The following OR4P4 variants were observed in gnomAD, a reference collection of about 807,000 sequenced individuals.
OR4P4 encodes olfactory receptor 4P4.
OR4P4 carries 1 observed loss-of-function variant against 2.1 expected under a neutral mutation model. The ratio of observed to expected loss-of-function variants is 0.47; its 90% confidence interval spans 0.17 to 2.21. The LOEUF (loss-of-function observed/expected upper bound fraction) is 2.21, where lower values mean the gene tolerates loss of function less well. Ranked by LOEUF, OR4P4 falls within the 30% of genes most tolerant of loss-of-function variation. The pLI, the probability that OR4P4 is intolerant of heterozygous loss-of-function variation, is 0.27. For synonymous variants in OR4P4, 129 were observed against 133.2 expected, an observed-to-expected ratio of 0.97 and a Z score of 0.22; for missense variants, 375 against 376.5, an observed-to-expected ratio of 1.00 and a Z score of 0.03.
chr11:55,638,408 A>T, exon 2 of OR4P4: 1 of 1,456,692 alleles, frequency 6.9e-7, no homozygotes, highest in Non-Finnish European at 9.3e-7. Flanking sequence ...GGTTTTCCCA[A>T]AATAAGAACA....
rs1182671259 is a variant in OR4P4, at chr11:55,638,105, C to T, written c.-30-223C>T. Among the ~76,000 whole-genome samples, 4 of 136,310 alleles carry T rather than the reference C, an allele frequency of 2.9e-5. 1 individual carries two copies. Among genetic ancestry groups the T allele is most frequent in the Non-Finnish European group, 4.9e-5 (3 of 61,536 alleles). The allele number at this position is 136,310 out of a possible 152,430, so 89.4% of individuals were successfully genotyped here. On this transcript the variant is annotated intron_variant, in intron 1 of 1. Transcript: ENST00000641760. Reference sequence around the variant, plus strand: ...GATTGAACAATAGAATTCATACCTACTAGGGCAGGGATTGATCACAGTGTG... The same window carrying T: ...GATTGAACAATAGAATTCATACCTATTAGGGCAGGGATTGATCACAGTGTG...
chr11:55,637,854 C>A lies in OR4P4; in HGVS notation c.-30-474C>A, dbSNP rs1014966097. Reference sequence around the variant, plus strand: ...TGGTTTTAGTTTATGCAATCAAATCCCATTTGTTGATATCAATATTGCTAA... The same window carrying A: ...TGGTTTTAGTTTATGCAATCAAATCACATTTGTTGATATCAATATTGCTAA... On this transcript the variant is annotated intron_variant, in intron 1 of 1. Coordinates refer to ENST00000641760, the Ensembl canonical transcript of OR4P4. Among the ~76,000 whole-genome samples the A allele has an allele frequency of 6.5e-5, 9 of 137,756 alleles. 1 individual carries two copies. Among genetic ancestry groups the A allele is most frequent in the Admixed American group, 1.6e-4 (2 of 12,580 alleles). 90.4% of individuals were successfully genotyped at this position (137,756 alleles called of 152,430 possible).
At chr11:55,636,189 C>A (rs2120178854) in intron 1 of OR4P4, among the ~76,000 whole-genome samples, 1 of 137,646 alleles carries the variant, frequency 7.3e-6, no homozygotes, top group East Asian at 2.4e-4. Flanking sequence ...ACTCAAATCA[C>A]TTTTCCCCCA....
Position 55,638,312 on chromosome 11 carries a change from A to C in OR4P4, c.-30-16A>C. The C allele has an allele frequency of 3.4e-6, 3 of 872,070 alleles. No homozygotes were observed. The highest frequency in any genetic ancestry group is 4.1e-5 in the South Asian group (2 of 48,490). The allele number at this position is 872,070 out of a possible 1,614,324, so 54.0% of individuals were successfully genotyped here. A position where few individuals can be genotyped will look rare whatever the true frequency, so the allele number is the denominator to read the frequency against. ...CTTAACAAAGACTTGTAAGCTTATA[A>C]ATTATGTCATTTCAGGTGACTTATA... On this transcript the variant is annotated splice_polypyrimidine_tract_variant and intron_variant, in intron 1 of 1. Coordinates refer to ENST00000641760, the Ensembl canonical transcript of OR4P4.
In OR4P4 at chr11:55,640,109, G is replaced by A. The variant is rs1858439968; in HGVS notation, c.*813G>A. 1.5e-5 allele frequency: 2 copies of A among 134,808 alleles called. 1 individual carries two copies. Among genetic ancestry groups the A allele is most frequent in the Non-Finnish European group, 3.3e-5 (2 of 61,404 alleles). 8.4% of individuals were successfully genotyped at this position (134,808 alleles called of 1,614,324 possible). ...AGATCATGCCACGGCACTCTAGCCT[G>A]GGTGACAGAACAAGATTCCGTCTGA... On this transcript the variant is annotated 3_prime_UTR_variant, in exon 2 of 2. Transcript: ENST00000641760.
Position 55,638,393 on chromosome 11 carries a change from C to G in OR4P4, c.36C>G (p.Leu12=), listed in dbSNP as rs1484149277. Reference sequence around the variant, plus strand: ...GCAATAATAGCACTTTGTTTATTCTCTTGGGGTTTTCCCAAAATAAGAACA... The same window carrying G: ...GCAATAATAGCACTTTGTTTATTCTGTTGGGGTTTTCCCAAAATAAGAACA... Residue 12 remains leucine (L), a synonymous_variant, in exon 2 of 2, where the codon CTC becomes CTG. Coordinates refer to ENST00000641760, the Ensembl canonical transcript of OR4P4. 3 of 1,441,020 alleles carry G rather than the reference C, an allele frequency of 2.1e-6. 1 individual carries two copies. The highest frequency in any genetic ancestry group is 4.4e-5 in the Admixed American group (2 of 45,140). 89.3% of individuals were successfully genotyped at this position (1,441,020 alleles called of 1,614,324 possible).
chr11:55,637,963 T>C (rs188054835), intron 1 of OR4P4, among the ~76,000 whole-genome samples: 2 of 138,698 alleles, frequency 1.4e-5, no homozygotes, highest in Non-Finnish European at 3.2e-5. Flanking sequence ...TAATAAATTT[T>C]GAATCCCAGA....
Position 55,639,719 on chromosome 11 carries a change from G to C in OR4P4, c.*423G>C, listed in dbSNP as rs772205815. ...TACAGCTCACGAATTTTTGCAAACT[G>C]AGCATGATTGTGAAATCAGCAACTG... On this transcript the variant is annotated 3_prime_UTR_variant, in exon 2 of 2. Transcript: ENST00000641760. 5 of 146,030 alleles carry C rather than the reference G, an allele frequency of 3.4e-5. 2 individuals are homozygous for C. The highest frequency in any genetic ancestry group is 7.4e-5 in the Non-Finnish European group (5 of 67,302). 9.0% of individuals were successfully genotyped at this position (146,030 alleles called of 1,614,324 possible). A position where few individuals can be genotyped will look rare whatever the true frequency, so the allele number is the denominator to read the frequency against.
chr11:55,635,481 C>G (rs1182078262), intron 1 of OR4P4, among the ~76,000 whole-genome samples: 1 of 136,646 alleles, frequency 7.3e-6, no homozygotes, highest in African/African-American at 2.5e-5. Context: ...GGTGATATGA[C>G]AGGTAATAGT....
chr11:55,638,279 T>G lies in OR4P4; in HGVS notation c.-30-49T>G, dbSNP rs539803121. 36 of 695,564 alleles carry G rather than the reference T, an allele frequency of 5.2e-5. 3 individuals are homozygous for G. The South Asian group carries it at 8.5e-4, about 16-fold the overall frequency. 43.1% of individuals were successfully genotyped at this position (695,564 alleles called of 1,614,324 possible). A position where few individuals can be genotyped will look rare whatever the true frequency, so the allele number is the denominator to read the frequency against. ...TAGTTCCTCAAATAAAATATGATCA[T>G]TGTACTTCTTAACAAAGACTTGTAA... On this transcript the variant is annotated intron_variant, in intron 1 of 1. Transcript: ENST00000641760.
Position 55,638,420 on chromosome 11 carries a change from T to C in OR4P4, c.63T>C (p.Ile21=), listed in dbSNP as rs1429946847. 2.1e-6 allele frequency: 3 copies of C among 1,458,328 alleles called. 1 individual carries two copies. In the Admixed American group the frequency reaches 6.5e-5, roughly 32 times the overall value. 90.3% of individuals were successfully genotyped at this position (1,458,328 alleles called of 1,614,324 possible). A position where few individuals can be genotyped will look rare whatever the true frequency, so the allele number is the denominator to read the frequency against. Residue 21 remains isoleucine, a synonymous_variant, in exon 2 of 2, where the codon ATT becomes ATC. Coordinates refer to ENST00000641760, the Ensembl canonical transcript of OR4P4. The stretch of plus-strand genomic sequence containing the variant: ...TGGGGTTTTCCCAAAATAAGAACAT[T>C]GAAGTCCTCTGCTTTGTATTATTTT...
Position 55,638,902 on chromosome 11 carries a change from T to C in OR4P4, c.545T>C (p.Leu182Ser), listed in dbSNP as rs753472364. 2.6e-5 allele frequency: 39 copies of C among 1,492,868 alleles called. 11 individuals are homozygous for C. In the East Asian group the frequency reaches 9.8e-4, roughly 37 times the overall value. 92.5% of individuals were successfully genotyped at this position (1,492,868 alleles called of 1,614,324 possible). ...CACTACTTCTGTGATGTGTATCCTT[T>C]GCTGAAATTGGCCTGTTCTAATATA... The change falls in exon 2 of 2, where the codon TTG becomes TCG. Residue 182 changes from leucine (L) to serine (S), a missense_variant. Coordinates refer to ENST00000641760, the Ensembl canonical transcript of OR4P4.
rs1369171780 is a variant in OR4P4 at position 55,639,518 on chromosome 11, A to T, written c.*222A>T. 5.6e-6 allele frequency: 2 copies of T among 358,110 alleles called. 1 individual carries two copies. The highest frequency in any genetic ancestry group is 9.9e-6 in the Non-Finnish European group (2 of 202,404). 22.2% of individuals were successfully genotyped at this position (358,110 alleles called of 1,614,324 possible). A position where few individuals can be genotyped will look rare whatever the true frequency, so the allele number is the denominator to read the frequency against. On this transcript the variant is annotated 3_prime_UTR_variant, in exon 2 of 2. Coordinates refer to ENST00000641760, the Ensembl canonical transcript of OR4P4. ...ATCATTACGATTGTGCTTATGTGAC[A>T]TGAAATAACCAGAAAATTTCTTAAA...
At chr11:55,637,723 T>C (rs1343178284) in intron 1 of OR4P4, among the ~76,000 whole-genome samples, 1 of 138,174 alleles carries the variant, frequency 7.2e-6, no homozygotes, top group African/African-American at 2.5e-5. Flanking sequence ...TTTGATGTAA[T>C]ATTATTTTTA....
intron 1 of OR4P4, among the ~76,000 whole-genome samples, chr11:55,636,761 TTTA>T (rs1442977364): frequency 2.2e-5 from 3 of 138,294 alleles, no homozygotes; most frequent in African/African-American, 7.5e-5. Flanking sequence ...TGTACACTAT[TTTA>T]TTCTTTTAAA....
chr11:55,638,147 A>G (rs1442824901), intron 1 of OR4P4, among the ~76,000 whole-genome samples, 181 bp from the exon 2 acceptor site: 2 of 137,332 alleles, frequency 1.5e-5, no homozygotes, highest in African/African-American at 2.5e-5. Flanking sequence ...AGCTAATGGA[A>G]ATCATCTAGT....
exon 2 of OR4P4, chr11:55,639,308 T>A: frequency 7.6e-7 from 1 of 1,310,704 alleles, no homozygotes; most frequent in Non-Finnish European, 1.0e-6. Context: ...TTGTTTCTGC[T>A]TTTCATGCCG....
chr11:55,636,191 T>C (rs1858386520), intron 1 of OR4P4, among the ~76,000 whole-genome samples: 2 of 137,444 alleles, frequency 1.5e-5, no homozygotes, highest in African/African-American at 5.0e-5. Flanking sequence ...TCAAATCACT[T>C]TTCCCCCAGC....
In OR4P4 at chr11:55,638,404, C is replaced by T. The variant is rs1466037841; in HGVS notation, c.47C>T (p.Ser16Phe). The T allele has an allele frequency of 1.4e-6, 2 of 1,452,796 alleles. 1 individual carries two copies. Among genetic ancestry groups the T allele is most frequent in the Non-Finnish European group, 1.9e-6 (2 of 1,073,878 alleles). The allele number at this position is 1,452,796 out of a possible 1,614,324, so 90.0% of individuals were successfully genotyped here. A position where few individuals can be genotyped will look rare whatever the true frequency, so the allele number is the denominator to read the frequency against. The change falls in exon 2 of 2, where the codon TCC becomes TTC. Residue 16 changes from serine to phenylalanine, a missense_variant. Transcript: ENST00000641760. ...ACTTTGTTTATTCTCTTGGGGTTTT[C>T]CCAAAATAAGAACATTGAAGTCCTC...
Sources: gnomAD v4.1 joint callset for allele counts (sites outside exome capture counted in the v4.1 genomes callset) on GRCh38, gnomAD v4.1.1 for gene constraint, MANE v1.5 for transcripts, NCBI Gene and HGNC (gene_info 2026-07-23, HGNC 2026-07-21) for gene names.